The following CNTN6 variants were observed in gnomAD, a reference collection of about 807,000 sequenced individuals.
The protein encoded by CNTN6 is contactin-6.
A neutral mutation model predicts 122.8 loss-of-function variants in CNTN6; 137 were observed. The observed-to-expected ratio is 1.12, with a 90% CI of 0.97 to 1.29. The LOEUF (loss-of-function observed/expected upper bound fraction) is 1.29, where lower values mean the gene tolerates loss of function less well. CNTN6 is among the 50% of genes most tolerant of loss of function. The probability of loss-of-function intolerance (pLI) is 0.00; values close to 1 mark genes in which losing one functional copy is unlikely to be tolerated. For missense variants in CNTN6, 1,634 were observed against 1,223.4 expected, an observed-to-expected ratio of 1.34 and a Z score of -5.01; for synonymous variants, 570 against 426.0, an observed-to-expected ratio of 1.34 and a Z score of -4.16.
intron 2 of CNTN6, among the ~76,000 whole-genome samples, chr3:1,149,797 C>G (rs2092800625): frequency 1.3e-5 from 2 of 152,078 alleles, no homozygotes; most frequent in African/African-American, 4.8e-5. Context: ...ATCTTCCTGT[C>G]AAAATTCAAC....
intron 11 of CNTN6, 47 bp from the exon 12 acceptor site, chr3:1,352,277 C>A: frequency 1.4e-6 from 2 of 1,407,666 alleles, no homozygotes; most frequent in Non-Finnish European, 1.9e-6. Flanking sequence ...TATGATTTAC[C>A]AGTGTTGAAG....
chr3:1,202,455 G>A (rs942591277), intron 2 of CNTN6, among the ~76,000 whole-genome samples: 19 of 149,554 alleles, frequency 1.3e-4, no homozygotes, highest in Non-Finnish European at 2.5e-4. Context: ...CGGGAGAATG[G>A]CGGGAACCCC....
rs377237687 is a variant in CNTN6, at chr3:1,385,616, A to T, written c.2523A>T (p.Leu841Phe). 5.0e-6 allele frequency: 8 copies of T among 1,612,582 alleles called. No homozygotes were observed. The South Asian group carries it at 7.7e-5, about 16-fold the overall frequency. The change falls in exon 20 of 23, where the codon TTA (leucine) becomes TTT (phenylalanine). Residue 841 changes from leucine to phenylalanine, a missense_variant. Coordinates refer to ENST00000446702, the MANE Select transcript of CNTN6 (RefSeq NM_001289080.2). ...TTTTGGTTTTTAATTATCAGGTCTT[A>T]TACTGGACAGATGACTCCAAAGAAT... ...NTGRVLGYEVLYWTDDSKESM... is the reference protein window; with the variant it reads ...NTGRVLGYEVFYWTDDSKESM...
intron 2 of CNTN6, among the ~76,000 whole-genome samples, chr3:1,152,563 TG>T (rs1209170393): frequency 4.6e-5 from 7 of 152,196 alleles, no homozygotes; most frequent in Non-Finnish European, 8.8e-5. Context: ...CAAGATTAAC[TG>T]ATGTGATTAA....
intron 2 of CNTN6, among the ~76,000 whole-genome samples, chr3:1,168,768 TC>T (rs1209764119): frequency 1.3e-5 from 2 of 152,092 alleles, no homozygotes; most frequent in African/African-American, 4.8e-5. Context: ...GCATGTTCTC[TC>T]TAAGCACAGA....
rs1559595875 is a variant in CNTN6 at position 1,245,233 on chromosome 3, TATACACACACAC to T, written c.358+17244_358+17255del. ...ATATATATATATATATATATATATA[TATACACACACAC>T]ATATATATATAACATATATATATAT... On this transcript the variant is annotated intron_variant, in intron 4 of 22. Transcript: ENST00000446702. 3.7e-3 allele frequency among the ~76,000 whole-genome samples: 33 copies of T among 8,994 alleles called. 1 individual carries two copies. Among genetic ancestry groups the T allele is most frequent in the Non-Finnish European group, 4.8e-3 (25 of 5,176 alleles). 5.9% of individuals were successfully genotyped at this position (8,994 alleles called of 152,430 possible).
At chr3:1,327,610 C>T (rs776376531) in intron 10 of CNTN6, 24 bp downstream of exon 10, 2 of 1,603,366 alleles carry the variant, frequency 1.2e-6, no homozygotes, top group Admixed American at 1.7e-5. Context: ...TTACAACCAA[C>T]AAATTCAAAA....
chr3:1,368,029 G>A (rs2126126174), intron 12 of CNTN6, among the ~76,000 whole-genome samples: 1 of 152,272 alleles, frequency 6.6e-6, no homozygotes, highest in Middle Eastern at 3.4e-3. Context: ...ATTGCAAAAG[G>A]AAGGCATACA....
intron 2 of CNTN6, among the ~76,000 whole-genome samples, chr3:1,204,264 T>A (rs1177484217): frequency 6.6e-6 from 1 of 152,228 alleles, no homozygotes; most frequent in African/African-American, 2.4e-5. Flanking sequence ...TTTTACAGCA[T>A]TTCTAGCATC....
At chr3:1,387,804 C>T (rs981210283) in intron 20 of CNTN6, among the ~76,000 whole-genome samples, 4 of 152,258 alleles carry the variant, frequency 2.6e-5, no homozygotes, top group South Asian at 2.1e-4. Context: ...GGGTGACGGA[C>T]GCACCTGGAA....
chr3:1,209,611 A>G lies in CNTN6; in HGVS notation c.56-11076A>G, dbSNP rs140399917. 1.8e-3 allele frequency among the ~76,000 whole-genome samples: 281 copies of G among 152,304 alleles called. 2 individuals carry two copies. The highest frequency in any genetic ancestry group is 6.4e-3 in the African/African-American group (266 of 41,556). On this transcript the variant is annotated intron_variant, in intron 2 of 22. Coordinates refer to ENST00000446702, the MANE Select transcript of CNTN6 (RefSeq NM_001289080.2). ...TTGTTGAAAGTATTATTATCAAATG[A>G]TTATTACAATGAAAATTTATTTTTA...
intron 8 of CNTN6, among the ~76,000 whole-genome samples, chr3:1,324,298 ACT>A (rs141466690): frequency 0.052 from 7,761 of 148,780 alleles, 576 homozygotes; most frequent in African/African-American, 0.083. Context: ...CAGTAGAAAA[ACT>A]CTAGAAGTCA....
chr3:1,173,761 G>A (rs2093400994), intron 2 of CNTN6, among the ~76,000 whole-genome samples: 1 of 145,294 alleles, frequency 6.9e-6, no homozygotes, highest in Admixed American at 6.9e-5. Context: ...CCTGTTTCCT[G>A]TATTTTCCTT....
At chr3:1,333,610 A>G (rs1243801244) in intron 11 of CNTN6, among the ~76,000 whole-genome samples, 12 of 152,112 alleles carry the variant, frequency 7.9e-5, no homozygotes, top group Admixed American at 7.9e-4. Flanking sequence ...AAACTTCTAT[A>G]TGGTACTGTC....
chr3:1,224,363 G>C (rs116565779), intron 3 of CNTN6, among the ~76,000 whole-genome samples: 1,915 of 151,838 alleles, frequency 0.013, 37 homozygotes, highest in African/African-American at 0.042. Context: ...GACAGTAGAG[G>C]GATTATACTC....
At chr3:1,214,301 CTTTT>C (rs34799447) in intron 2 of CNTN6, among the ~76,000 whole-genome samples, 1 of 44,028 alleles carries the variant, frequency 2.3e-5, no homozygotes, top group Non-Finnish European at 3.8e-5. Context: ...TGTTGGATGT[CTTTT>C]TTTTTTTTTT....
chr3:1,168,837 A>T (rs9856676), intron 2 of CNTN6, among the ~76,000 whole-genome samples: 9,373 of 152,258 alleles, frequency 0.062, 931 homozygotes, highest in African/African-American at 0.21. Flanking sequence ...TTCTAGAAGC[A>T]TCTGGTCTAA....
chr3:1,265,822 A>G (rs1057002246), intron 4 of CNTN6, among the ~76,000 whole-genome samples: 1 of 152,192 alleles, frequency 6.6e-6, no homozygotes, highest in Non-Finnish European at 1.5e-5. Flanking sequence ...CTGAAACACA[A>G]AAAACCTTTG....
intron 2 of CNTN6, among the ~76,000 whole-genome samples, chr3:1,172,620 CTGTGTGTGTGTGTGTG>C (rs3836248): frequency 5.3e-5 from 8 of 150,284 alleles, no homozygotes; most frequent in African/African-American, 9.7e-5. Context: ...CAATAACTCT[CTGTGTGTGTGTGTGTG>C]TGTGTGTGTG....
Sources: gnomAD v4.1 joint callset for allele counts (sites outside exome capture counted in the v4.1 genomes callset) on GRCh38, gnomAD v4.1.1 for gene constraint, MANE v1.5 for transcripts, NCBI Gene and HGNC (gene_info 2026-07-23, HGNC 2026-07-21) for gene names.